The following TLN2 variants were observed in gnomAD, a reference collection of about 807,000 sequenced individuals.
TLN2 encodes the protein talin-2.
In TLN2, 118 loss-of-function variants were observed where a neutral mutation model predicts 294.7. That is an observed-to-expected ratio of 0.40 (90% CI 0.34 to 0.47). TLN2 has a LOEUF of 0.47. Among genes scored for constraint, TLN2 ranks in the 20% least tolerant of loss-of-function variants. TLN2 has a pLI of 0.84. For missense variants in TLN2, 3,083 were observed against 3,282.2 expected (o/e 0.94, Z 1.48); for synonymous variants, 1,431 against 1,304.5 (o/e 1.10, Z -2.09).
chr15:62,623,421 G>T (rs1385491660), intron 3 of TLN2, among the ~76,000 whole-genome samples: 1 of 152,122 alleles, frequency 6.6e-6, no homozygotes, highest in East Asian at 1.9e-4. Flanking sequence ...ATCTAGTGAT[G>T]GTTCCATCTA....
intron 1 of TLN2, among the ~76,000 whole-genome samples, chr15:62,486,507 A>G (rs2038413967): frequency 6.9e-6 from 1 of 144,286 alleles, no homozygotes; most frequent in Non-Finnish European, 1.5e-5. Context: ...TTAAAAAAAT[A>G]CAGGTTGGCT....
At chr15:62,798,496 C>T (rs1194956289) in intron 48 of TLN2, among the ~76,000 whole-genome samples, 1 of 151,518 alleles carries the variant, frequency 6.6e-6, no homozygotes, top group Non-Finnish European at 1.5e-5. Flanking sequence ...CAACAAAAGT[C>T]GCTAATAAAT....
intron 1 of TLN2, among the ~76,000 whole-genome samples, chr15:62,547,339 C>CTTGTGGCTACGTTGATATCT (rs1223210627): frequency 3.3e-5 from 5 of 152,194 alleles, no homozygotes; most frequent in African/African-American, 1.2e-4. Context: ...TAGTATCAAT[C>CTTGTGGCTACGTTGATATCT]TTGTGGCTAC....
chr15:62,711,523 A>T (rs2141130050), intron 21 of TLN2, among the ~76,000 whole-genome samples: 1 of 152,364 alleles, frequency 6.6e-6, no homozygotes, highest in South Asian at 2.1e-4. Context: ...ATTCTTCAAA[A>T]AGTTTATTAT....
Position 62,792,795 on chromosome 15 carries a change from G to A in TLN2, c.5883+8G>A, listed in dbSNP as rs1168200069. 1 of 1,613,846 alleles carries A rather than the reference G, an allele frequency of 6.2e-7. No individual in the cohort carries two copies. Among genetic ancestry groups the A allele is most frequent in the East Asian group, 2.2e-5 (1 of 44,878 alleles). Reference sequence around the variant, plus strand: ...CGTGCCGTCACGGAAAAGGTAAGGAGCAGCCCTCAGTTTAGAGTCACAAGA... The same window carrying A: ...CGTGCCGTCACGGAAAAGGTAAGGAACAGCCCTCAGTTTAGAGTCACAAGA... On this transcript the variant is annotated splice_region_variant and intron_variant, in intron 46 of 58. Transcript: ENST00000636159.
intron 1 of TLN2, among the ~76,000 whole-genome samples, chr15:62,490,447 T>A (rs16945131): frequency 0.02 from 2,975 of 152,318 alleles, 108 homozygotes; most frequent in African/African-American, 0.069. Flanking sequence ...CAAAGACAGT[T>A]GGTTGGAAAC....
intron 32 of TLN2, among the ~76,000 whole-genome samples, chr15:62,741,382 T>C (rs1275940029): frequency 1.3e-5 from 2 of 152,202 alleles, no homozygotes; most frequent in African/African-American, 4.8e-5. Flanking sequence ...CCCAGGGAAG[T>C]GGATAAAACA....
intron 2 of TLN2, among the ~76,000 whole-genome samples, chr15:62,612,743 G>A (rs1297194507): frequency 2.6e-5 from 4 of 152,138 alleles, no homozygotes; most frequent in African/African-American, 7.2e-5. Flanking sequence ...CACTTAATAG[G>A]TGAGATCTGC....
intron 42 of TLN2, 131 bp from the exon 43 acceptor site, chr15:62,776,633 G>A: frequency 1.1e-6 from 1 of 898,178 alleles, no homozygotes; most frequent in South Asian, 5.9e-5. Flanking sequence ...TAAAGAAAGG[G>A]AAGAAATAGA....
intron 36 of TLN2, chr15:62,754,711 G>A (rs1303965297): frequency 4.6e-5 from 7 of 152,280 alleles, no homozygotes; most frequent in African/African-American, 1.7e-4. Flanking sequence ...AAGAGCTGGT[G>A]TATCTGGGAG....
intron 1 of TLN2, among the ~76,000 whole-genome samples, chr15:62,532,964 G>T (rs1357560595): frequency 6.6e-6 from 1 of 152,054 alleles, no homozygotes; most frequent in African/African-American, 2.4e-5. Context: ...TTAAACATGT[G>T]GATTCTAGGC....
intron 37 of TLN2, among the ~76,000 whole-genome samples, chr15:62,759,068 G>A (rs1469955553): frequency 2.6e-5 from 4 of 152,178 alleles, no homozygotes; most frequent in Admixed American, 2.6e-4. Context: ...GGTGGGGCCT[G>A]GAAATATGGC....
At chr15:62,761,923 A>G in intron 38 of TLN2, 102 bp downstream of exon 38, 2 of 1,477,684 alleles carry the variant, frequency 1.4e-6, no homozygotes, top group Non-Finnish European at 9.4e-7. Context: ...CTCTGTCAAC[A>G]TGTAGGCTAC....
intron 1 of TLN2, among the ~76,000 whole-genome samples, chr15:62,445,173 C>T (rs1345651626): frequency 6.6e-6 from 1 of 152,114 alleles, no homozygotes; most frequent in South Asian, 2.1e-4. Flanking sequence ...GGCTGCAGCA[C>T]CTGCAGGTGT....
chr15:62,455,271 G>A lies in TLN2; in HGVS notation c.-238+64586G>A, dbSNP rs916243041. Among the ~76,000 whole-genome samples, 4 of 152,102 alleles carry A rather than the reference G, an allele frequency of 2.6e-5. No homozygotes were observed. The South Asian group carries it at 8.3e-4, about 32-fold the overall frequency. ...TTTCCAGGTGAGGAGAGAGGTGCTC[G>A]ATGGAGGGGACGTGATGGGGAACTC... On this transcript the variant is annotated intron_variant, in intron 1 of 58. Transcript: ENST00000636159.
chr15:62,790,375 A>G (rs2064994710), intron 45 of TLN2, among the ~76,000 whole-genome samples: 2 of 152,194 alleles, frequency 1.3e-5, no homozygotes, highest in Non-Finnish European at 1.5e-5. Flanking sequence ...GAAAAATCAA[A>G]GAAGTTAGAA....
Position 62,543,966 on chromosome 15 carries a change from G to A in TLN2, c.-237-45721G>A, listed in dbSNP as rs113527080. On this transcript the variant is annotated intron_variant, in intron 1 of 58. Transcript: ENST00000636159. ...GGCCTTGGGCTATTCAGGGGCTGGG[G>A]CTGGCGTGGAGGGTAGTAGGGCCCA... 2.2e-4 allele frequency among the ~76,000 whole-genome samples: 33 copies of A among 152,208 alleles called. No individual in the cohort carries two copies. The South Asian group carries it at 4.4e-3, about 20-fold the overall frequency.
intron 1 of TLN2, among the ~76,000 whole-genome samples, chr15:62,496,010 A>C (rs1006977418): frequency 6.6e-6 from 1 of 152,032 alleles, no homozygotes; most frequent in South Asian, 2.1e-4. Context: ...TGTGCTTTTT[A>C]TGAAGCTAAA....
intron 1 of TLN2, among the ~76,000 whole-genome samples, chr15:62,406,067 A>G (rs2140245150): frequency 6.6e-6 from 1 of 152,304 alleles, no homozygotes; most frequent in African/African-American, 2.4e-5. Flanking sequence ...CCATAGGGAC[A>G]GGAGAAGGGC....
Sources: gnomAD v4.1 joint callset for allele counts (sites outside exome capture counted in the v4.1 genomes callset) on GRCh38, gnomAD v4.1.1 for gene constraint, MANE v1.5 for transcripts, NCBI Gene and HGNC (gene_info 2026-07-23, HGNC 2026-07-21) for gene names.